CCDC88A: variants seen among roughly 807,000 people sequenced by gnomAD.
CCDC88A encodes the protein girdin.
Under a neutral mutation model 234.3 loss-of-function variants are expected in CCDC88A, and 54 were observed. The observed-to-expected ratio is 0.23, with a 90% CI of 0.19 to 0.29. The LOEUF is 0.29. Among genes scored for constraint, CCDC88A ranks in the 10% least tolerant of loss-of-function variants. CCDC88A has a pLI of 1.00. For synonymous variants in CCDC88A, 753 were observed against 737.8 expected, an observed-to-expected ratio of 1.02 and a Z score of -0.33; for missense variants, 1,832 against 2,123.4, an observed-to-expected ratio of 0.86 and a Z score of 2.70.
Position 55,341,132 on chromosome 2 carries a change from A to ATTTC in CCDC88A, c.1334-1488_1334-1485dup, listed in dbSNP as rs202135189. Among the ~76,000 whole-genome samples, 109 of 131,192 alleles carry ATTTC rather than the reference A, an allele frequency of 8.3e-4. 2 individuals are homozygous for ATTTC. The highest frequency in any genetic ancestry group is 2.0e-3 in the African/African-American group (67 of 33,726). The allele number at this position is 131,192 out of a possible 152,430, so 86.1% of individuals were successfully genotyped here. A position where few individuals can be genotyped will look rare whatever the true frequency, so the allele number is the denominator to read the frequency against. On this transcript the variant is annotated intron_variant, in intron 12 of 32. Transcript: ENST00000436346. ...CATCCATATTGTTGCAAATGACAGAATTTCTTTCTTTTTTTTTTTTTTTTT... is the reference window on the plus strand; with the variant it reads ...CATCCATATTGTTGCAAATGACAGAATTTCTTTCTTTCTTTTTTTTTTTTTTTTT...
At chr2:55,325,594 G>A (rs1684160978) in intron 17 of CCDC88A, among the ~76,000 whole-genome samples, 1 of 152,120 alleles carries the variant, frequency 6.6e-6, no homozygotes, top group Non-Finnish European at 1.5e-5. Flanking sequence ...CAAAATCTTT[G>A]TATTCTTCCT....
At chr2:55,293,306 A>C (rs1679650272) in intron 31 of CCDC88A, among the ~76,000 whole-genome samples, 2 of 152,180 alleles carry the variant, frequency 1.3e-5, no homozygotes. Context: ...AGCTATGTTT[A>C]CTATTAAGTT....
chr2:55,364,328 C>T (rs1015502844), intron 5 of CCDC88A: 3 of 187,140 alleles, frequency 1.6e-5, no homozygotes, highest in African/African-American at 4.7e-5. Context: ...ACTTTACACA[C>T]AGAGAAGTAA....
chr2:55,383,978 A>T (rs1675042088), intron 3 of CCDC88A, among the ~76,000 whole-genome samples: 1 of 151,984 alleles, frequency 6.6e-6, no homozygotes, highest in Admixed American at 6.6e-5. Context: ...GACTACAGTG[A>T]CCTATGAGCT....
intron 11 of CCDC88A, chr2:55,344,075 A>T (rs1488008200): frequency 2.8e-6 from 1 of 360,410 alleles, no homozygotes; most frequent in Non-Finnish European, 4.9e-6. Context: ...ACCAATGCTA[A>T]ATTTTAGCAA....
At chr2:55,415,678 TCA>T (rs1049137928) in intron 2 of CCDC88A, among the ~76,000 whole-genome samples, 2 of 152,096 alleles carry the variant, frequency 1.3e-5, no homozygotes, top group Admixed American at 1.3e-4. Context: ...AGGGTATCCC[TCA>T]AGTCTGAGTA....
intron 2 of CCDC88A, chr2:55,394,174 C>A (rs970802455): frequency 5.3e-5 from 8 of 152,224 alleles, no homozygotes; most frequent in African/African-American, 1.9e-4. Flanking sequence ...TGAGAACATG[C>A]GGTGTTTGGT....
chr2:55,393,713 A>T (rs1677077750), intron 2 of CCDC88A, among the ~76,000 whole-genome samples: 1 of 152,180 alleles, frequency 6.6e-6, no homozygotes, highest in Non-Finnish European at 1.5e-5. Context: ...AGTAAAGGAC[A>T]GTTTATTTCC....
intron 22 of CCDC88A, 108 bp downstream of exon 22, chr2:55,315,820 A>T (rs1682916350): frequency 3.6e-6 from 2 of 551,822 alleles, no homozygotes; most frequent in South Asian, 1.1e-4. Context: ...TTTTAGATAT[A>T]TGCCACTAAA....
chr2:55,366,203 AGC>A (rs1241190525), intron 5 of CCDC88A, among the ~76,000 whole-genome samples: 2 of 152,144 alleles, frequency 1.3e-5, no homozygotes, highest in Non-Finnish European at 2.9e-5. Flanking sequence ...CTGATTACTA[AGC>A]CAGTAGATTA....
rs1319794661 is a variant in CCDC88A at position 55,290,032 on chromosome 2, G to T, written c.*1168C>A. On this transcript the variant is annotated 3_prime_UTR_variant, in exon 33 of 33. Transcript: ENST00000436346. ...ATTAATGAGTATCAATGCATTTTTT[G>T]ATTTCATAAGAAAATAAAACTGTGA... The T allele has an allele frequency of 6.6e-6, 1 of 152,382 alleles. No individual in the cohort carries two copies. 9.4% of individuals were successfully genotyped at this position (152,382 alleles called of 1,614,324 possible). A position where few individuals can be genotyped will look rare whatever the true frequency, so the allele number is the denominator to read the frequency against.
rs139778054 is a variant in CCDC88A, at chr2:55,319,390, G to C, written c.3163-386C>G. On this transcript the variant is annotated intron_variant, in intron 18 of 32. Transcript: ENST00000436346. ...ATAAATGGGGCTGTGTCCAACCATG[G>C]AGGTCTAACTTTTCTAATTTACCCA... is the stretch of plus-strand genomic sequence containing the variant. 1.0e-3 allele frequency among the ~76,000 whole-genome samples: 157 copies of C among 152,218 alleles called. 2 individuals carry two copies. The East Asian group carries it at 0.017, about 17-fold the overall frequency.
intron 3 of CCDC88A, among the ~76,000 whole-genome samples, chr2:55,384,947 G>A (rs932014162): frequency 2.0e-5 from 3 of 151,954 alleles, no homozygotes; most frequent in Non-Finnish European, 2.9e-5. Flanking sequence ...ATGAGCTACC[G>A]CGCCTGGCTA....
intron 2 of CCDC88A, among the ~76,000 whole-genome samples, chr2:55,399,956 C>G (rs948317148): frequency 6.6e-6 from 1 of 152,096 alleles, no homozygotes; most frequent in Non-Finnish European, 1.5e-5. Flanking sequence ...ATCCTGTATT[C>G]TATTACTTTT....
chr2:55,297,943 T>C (rs1450578603), intron 29 of CCDC88A, among the ~76,000 whole-genome samples: 1 of 152,200 alleles, frequency 6.6e-6, no homozygotes, highest in Admixed American at 6.5e-5. Context: ...AGTAAAAGTA[T>C]ACAATCAAAT....
At chr2:55,339,683 CTT>C in intron 12 of CCDC88A, 35 bp from the exon 13 acceptor site, 1 of 1,553,386 alleles carries the variant, frequency 6.4e-7, no homozygotes, top group Non-Finnish European at 8.7e-7. Flanking sequence ...TGTATTTACT[CTT>C]TACTGTTTTT....
chr2:55,319,622 A>T (rs967856929), intron 18 of CCDC88A, among the ~76,000 whole-genome samples: 6 of 152,174 alleles, frequency 3.9e-5, no homozygotes, highest in African/African-American at 1.4e-4. Context: ...TTCTATTTCA[A>T]CTATAAGACT....
chr2:55,395,641 T>C (rs1677398469), intron 2 of CCDC88A, among the ~76,000 whole-genome samples: 1 of 152,220 alleles, frequency 6.6e-6, no homozygotes, highest in Non-Finnish European at 1.5e-5. Flanking sequence ...TTGCTTTCTA[T>C]CGAAAGTTAC....
intron 11 of CCDC88A, 37 bp downstream of exon 11, chr2:55,344,331 T>C (rs200553825): frequency 1.8e-5 from 26 of 1,454,644 alleles, no homozygotes; most frequent in Non-Finnish European, 2.4e-5. Context: ...AAGTTTTCCT[T>C]AAAGGCCATG....
Sources: gnomAD v4.1 joint callset for allele counts (sites outside exome capture counted in the v4.1 genomes callset) on GRCh38, gnomAD v4.1.1 for gene constraint, MANE v1.5 for transcripts, NCBI Gene and HGNC (gene_info 2026-07-23, HGNC 2026-07-21) for gene names.